Variants in CTNNA2 observed in about 807,000 individuals in gnomAD.
The protein encoded by CTNNA2 is catenin alpha 2.
Under a neutral mutation model 101.0 loss-of-function variants are expected in CTNNA2, and 42 were observed. The observed-to-expected ratio is 0.42, with a 90% CI of 0.32 to 0.54. The LOEUF (loss-of-function observed/expected upper bound fraction) is 0.54, where lower values mean the gene tolerates loss of function less well. Among genes scored for constraint, CTNNA2 ranks in the 20% least tolerant of loss-of-function variants. The pLI is 0.14. For synonymous variants in CTNNA2, 450 were observed against 456.4 expected, an observed-to-expected ratio of 0.99 and a Z score of 0.18; for missense variants, 871 against 1,223.1, an observed-to-expected ratio of 0.71 and a Z score of 4.29.
At chr2:79,369,115 C>G (rs1677813234) in intron 3 of CTNNA2, among the ~76,000 whole-genome samples, 1 of 152,068 alleles carries the variant, frequency 6.6e-6, no homozygotes, top group Admixed American at 6.5e-5. Flanking sequence ...CACACCAGGG[C>G]ACCACCACTG....
At chr2:80,395,925 C>T (rs956466953) in intron 8 of CTNNA2, among the ~76,000 whole-genome samples, 4 of 152,250 alleles carry the variant, frequency 2.6e-5, no homozygotes, top group African/African-American at 9.6e-5. Context: ...CATCATGTCC[C>T]GCTCTTTCAG....
intron 7 of CTNNA2, among the ~76,000 whole-genome samples, chr2:80,236,346 C>T (rs931517536): frequency 2.7e-4 from 41 of 152,234 alleles, no homozygotes; most frequent in African/African-American, 9.9e-4. Context: ...ATTGCTCGTT[C>T]GGATGATGGC....
chr2:80,539,025 T>C (rs1414469262), intron 9 of CTNNA2, among the ~76,000 whole-genome samples: 1 of 152,162 alleles, frequency 6.6e-6, no homozygotes, highest in Non-Finnish European at 1.5e-5. Flanking sequence ...GGGATGCATA[T>C]GTTTGTTTTT....
intron 4 of CTNNA2, among the ~76,000 whole-genome samples, chr2:79,396,120 C>G (rs1293060105): frequency 6.6e-6 from 1 of 151,980 alleles, no homozygotes; most frequent in Non-Finnish European, 1.5e-5. Context: ...TCTAATATGT[C>G]CAAAGTATTT....
intron 7 of CTNNA2, among the ~76,000 whole-genome samples, chr2:80,281,514 A>G (rs780218248): frequency 9.9e-5 from 15 of 152,112 alleles, no homozygotes; most frequent in Non-Finnish European, 1.9e-4. Flanking sequence ...ATTTCTCCTT[A>G]TGTCCTCCAA....
At chr2:80,478,061 T>G (rs1338667433) in intron 9 of CTNNA2, among the ~76,000 whole-genome samples, 2 of 152,090 alleles carry the variant, frequency 1.3e-5, no homozygotes, top group African/African-American at 4.8e-5. Flanking sequence ...ACCTGTGGTT[T>G]TTTGACTTTT....
intron 7 of CTNNA2, among the ~76,000 whole-genome samples, chr2:80,112,437 G>A (rs895046799): frequency 1.3e-5 from 2 of 152,168 alleles, no homozygotes; most frequent in African/African-American, 2.4e-5. Flanking sequence ...GTGATGGACT[G>A]TGATGGGGAT....
intron 9 of CTNNA2, among the ~76,000 whole-genome samples, chr2:80,532,467 T>A (rs1397077533): frequency 6.6e-6 from 1 of 152,212 alleles, no homozygotes; most frequent in African/African-American, 2.4e-5. Flanking sequence ...CCAGTGCTTA[T>A]GTTCAATTAA....
Position 80,107,540 on chromosome 2 carries a change from A to T in CTNNA2, c.1056+197743A>T, listed in dbSNP as rs546211588. On this transcript the variant is annotated intron_variant, in intron 7 of 18. Coordinates refer to ENST00000402739, the MANE Select transcript of CTNNA2 (RefSeq NM_001282597.3). The stretch of plus-strand genomic sequence containing the variant: ...CCCCTCTCTGCTGATAGCCATTTCC[A>T]TCACTTAATAAAATTCTCTGCCTCA... 1.4e-4 allele frequency among the ~76,000 whole-genome samples: 22 copies of T among 152,254 alleles called. No individual in the cohort carries two copies. The East Asian group carries it at 4.3e-3, about 30-fold the overall frequency.
chr2:79,599,522 A>G (rs923290851), intron 1 of CTNNA2, among the ~76,000 whole-genome samples: 2 of 152,184 alleles, frequency 1.3e-5, no homozygotes, highest in Non-Finnish European at 2.9e-5. Context: ...ATGATACTTA[A>G]TATGAGATTT....
At chr2:79,435,093 G>C (rs1209523057) in intron 4 of CTNNA2, among the ~76,000 whole-genome samples, 1 of 152,096 alleles carries the variant, frequency 6.6e-6, no homozygotes. Context: ...AGGACATGAA[G>C]GTGTGGGGAG....
chr2:79,570,934 C>G (rs918125437), intron 1 of CTNNA2, among the ~76,000 whole-genome samples: 42 of 152,136 alleles, frequency 2.8e-4, no homozygotes, highest in African/African-American at 9.9e-4. Flanking sequence ...TGTTTACATT[C>G]ATATGCCAAA....
At chr2:80,637,256 G>A (rs568295036) in intron 18 of CTNNA2, among the ~76,000 whole-genome samples, 32 of 152,312 alleles carry the variant, frequency 2.1e-4, no homozygotes, top group African/African-American at 6.7e-4. Context: ...CTCAACTTCA[G>A]TGGCATTATC....
At chr2:80,550,561 T>G (rs1692477626) in intron 11 of CTNNA2, among the ~76,000 whole-genome samples, 1 of 152,190 alleles carries the variant, frequency 6.6e-6, no homozygotes, top group African/African-American at 2.4e-5. Context: ...TGCACTACAT[T>G]TATATAATAT....
At chr2:79,977,381 G>A (rs928579299) in intron 7 of CTNNA2, among the ~76,000 whole-genome samples, 9 of 152,068 alleles carry the variant, frequency 5.9e-5, no homozygotes, top group Non-Finnish European at 7.4e-5. Context: ...GGGCAATGGT[G>A]CTACTGGCAT....
chr2:80,206,382 A>G (rs1022304513), intron 7 of CTNNA2, among the ~76,000 whole-genome samples: 1 of 152,210 alleles, frequency 6.6e-6, no homozygotes, highest in African/African-American at 2.4e-5. Context: ...TTTGAAGCCT[A>G]TGCATTATTT....
chr2:80,608,167 C>T lies in CTNNA2; in HGVS notation c.2296-17C>T. On this transcript the variant is annotated splice_polypyrimidine_tract_variant and intron_variant, in intron 16 of 18. Coordinates refer to ENST00000402739, the MANE Select transcript of CTNNA2 (RefSeq NM_001282597.3). Reference sequence around the variant, plus strand: ...AGAGTACTTACTAATCAAGATCACTCTTTTAATGTTTTATAGTGTCCTGAT... The same window carrying T: ...AGAGTACTTACTAATCAAGATCACTTTTTTAATGTTTTATAGTGTCCTGAT... 1 of 1,596,488 alleles carries T rather than the reference C, an allele frequency of 6.3e-7. No homozygotes were observed. Among genetic ancestry groups the T allele is most frequent in the Admixed American group, 1.7e-5 (1 of 59,606 alleles).
intron 1 of CTNNA2, among the ~76,000 whole-genome samples, chr2:79,534,901 T>C (rs1164584204): frequency 6.8e-6 from 1 of 148,132 alleles, no homozygotes; most frequent in Admixed American, 6.7e-5. Flanking sequence ...GTAAGAAGGG[T>C]GAAAAAAAAA....
intron 7 of CTNNA2, among the ~76,000 whole-genome samples, chr2:79,958,845 A>G (rs1248064564): frequency 2.0e-5 from 3 of 151,214 alleles, no homozygotes; most frequent in South Asian, 4.2e-4. Flanking sequence ...TCATATTTCT[A>G]TTATTTATTG....
Sources: allele counts gnomAD v4.1 joint callset (sites outside exome capture counted in the v4.1 genomes callset), GRCh38; gene constraint gnomAD v4.1.1; transcripts MANE v1.5; gene names NCBI Gene and HGNC (gene_info 2026-07-23, HGNC 2026-07-21).